ABCC12: variants seen among roughly 807,000 people sequenced by gnomAD.
ABCC12 encodes ATP binding cassette subfamily C member 12.
A neutral mutation model predicts 151.1 loss-of-function variants in ABCC12; 142 were observed. That is an observed-to-expected ratio of 0.94 (90% CI 0.82 to 1.08). The LOEUF is 1.08. ABCC12 is among the 50% of genes least tolerant of loss of function. The pLI, the probability that ABCC12 is intolerant of heterozygous loss-of-function variation, is 0.00. For missense variants in ABCC12, 1,638 were observed against 1,691.1 expected (o/e 0.97, Z 0.55); for synonymous variants, 645 against 646.4 (o/e 1.00, Z 0.03).
chr16:48,107,425 C>A lies in ABCC12; in HGVS notation c.2372G>T (p.Gly791Val), dbSNP rs915084695. ...TYHTYIKASGGYLLSLFTVFL... is the reference protein window; with the variant it reads ...TYHTYIKASGVYLLSLFTVFL... ...CACAGTGAAGAGAGAAAGGAGGTAC[C>A]CTGCAAGAGGAGCGGAGAGGCCCAA... Residue 791 changes from glycine (G) to valine (V), a missense_variant and splice_region_variant, in exon 20 of 31, where the codon GGG becomes GTG. Coordinates refer to ENST00000311303, the MANE Select transcript of ABCC12 (RefSeq NM_001393797.1). 1.2e-6 allele frequency: 2 copies of A among 1,614,024 alleles called. No individual in the cohort carries two copies. The highest frequency in any genetic ancestry group is 3.3e-5 in the Admixed American group (2 of 60,020).
At chr16:48,121,432 A>G in intron 13 of ABCC12, 1 of 327,208 alleles carries the variant, frequency 3.1e-6, no homozygotes, top group Non-Finnish European at 5.7e-6. Flanking sequence ...CAGACCACAT[A>G]TGCCCTGTTG....
At chr16:48,091,464 GA>G (rs1427522336) in intron 24 of ABCC12, among the ~76,000 whole-genome samples, 1 of 152,172 alleles carries the variant, frequency 6.6e-6, no homozygotes, top group Non-Finnish European at 1.5e-5. Flanking sequence ...CAGATGGTGA[GA>G]ATCATCTCCC....
At chr16:48,123,317 T>C (rs781560855) in intron 12 of ABCC12, among the ~76,000 whole-genome samples, 1 of 152,184 alleles carries the variant, frequency 6.6e-6, no homozygotes, top group Non-Finnish European at 1.5e-5. Flanking sequence ...TGACTCATCA[T>C]GGAGGCACAC....
chr16:48,085,344 G>A (rs184019510), intron 29 of ABCC12, among the ~76,000 whole-genome samples: 178 of 152,284 alleles, frequency 1.2e-3, no homozygotes, highest in Non-Finnish European at 2.0e-3. Context: ...ACTTAGGCAA[G>A]CAGAGTGAAA....
In ABCC12 at chr16:48,105,059, C is replaced by G. The variant is rs1963440498; in HGVS notation, c.2673+80G>C. On this transcript the variant is annotated intron_variant, in intron 21 of 30. Coordinates refer to ENST00000311303, the MANE Select transcript of ABCC12 (RefSeq NM_001393797.1). ...CTCTGGCTGTCCCCAGAGCCCAGCA[C>G]CATGCCTGGCACACTGCAGGTGCTC... The G allele has an allele frequency of 1.9e-6, 3 of 1,541,398 alleles. No homozygotes were observed. The South Asian group carries it at 3.4e-5, about 17-fold the overall frequency.
chr16:48,083,042 G>A lies in ABCC12; in HGVS notation c.*673C>T, dbSNP rs868252220. 6.6e-6 allele frequency: 1 copy of A among 152,210 alleles called. No homozygotes were observed. Among genetic ancestry groups the A allele is most frequent in the East Asian group, 1.9e-4 (1 of 5,192 alleles). The allele number at this position is 152,210 out of a possible 1,614,324, so 9.4% of individuals were successfully genotyped here. A position where few individuals can be genotyped will look rare whatever the true frequency, so the allele number is the denominator to read the frequency against. ...ATCTTCAGTGAAATAATTGCAAGGC[G>A]ACATTTCAGGGTAATTTCCTACCGC... On this transcript the variant is annotated 3_prime_UTR_variant, in exon 31 of 31. Coordinates refer to ENST00000311303, the MANE Select transcript of ABCC12 (RefSeq NM_001393797.1).
intron 3 of ABCC12, among the ~76,000 whole-genome samples, chr16:48,145,722 A>T (rs1315179051): frequency 6.6e-6 from 1 of 152,234 alleles, no homozygotes; most frequent in African/African-American, 2.4e-5. Flanking sequence ...CGCGGGGTCC[A>T]GTTGCCCCAT....
intron 22 of ABCC12, among the ~76,000 whole-genome samples, chr16:48,101,971 C>T (rs1469579437): frequency 6.6e-6 from 1 of 152,190 alleles, no homozygotes; most frequent in Non-Finnish European, 1.5e-5. Context: ...GAGACTCAGA[C>T]CATTTCATTT....
At chr16:48,131,620 C>T (rs553719711) in intron 9 of ABCC12, among the ~76,000 whole-genome samples, 2 of 152,220 alleles carry the variant, frequency 1.3e-5, no homozygotes, top group African/African-American at 4.8e-5. Flanking sequence ...GTTGGTGCCC[C>T]GGGGGTACAT....
At chr16:48,087,852 G>T in intron 27 of ABCC12, 74 bp downstream of exon 27, 1 of 1,510,394 alleles carries the variant, frequency 6.6e-7, no homozygotes, top group Non-Finnish European at 9.0e-7. Flanking sequence ...ATGCCCTGGG[G>T]ACATCACAAA....
chr16:48,138,481 G>T, intron 7 of ABCC12, 106 bp from the exon 8 acceptor site: 1 of 1,336,890 alleles, frequency 7.5e-7, no homozygotes, highest in South Asian at 1.4e-5. Flanking sequence ...TCTAAAGGAA[G>T]TTGGCTTCAG....
chr16:48,105,922 G>A (rs1420550642), intron 20 of ABCC12, among the ~76,000 whole-genome samples: 2 of 152,146 alleles, frequency 1.3e-5, no homozygotes, highest in Non-Finnish European at 2.9e-5. Context: ...TGGGGAGGAG[G>A]GTGCCCAGTG....
chr16:48,146,411 C>T lies in ABCC12; in HGVS notation c.14G>A (p.Gly5Glu). The change falls in exon 3 of 31, where the codon GGA becomes GAA. Residue 5 changes from glycine (G) to glutamate (E), a missense_variant. Transcript: ENST00000311303. Reference sequence around the variant, plus strand: ...GTCCAGATCTGAGATAAGGTAGGGTCCTTCACCCACCATCCTGATGGCAGC... The same window carrying T: ...GTCCAGATCTGAGATAAGGTAGGGTTCTTCACCCACCATCCTGATGGCAGC... The part of the protein sequence containing the change: MVGE[G>E]PYLISDLDQR... 6.2e-7 allele frequency: 1 copy of T among 1,614,168 alleles called. No homozygotes were observed. Among genetic ancestry groups the T allele is most frequent in the Non-Finnish European group, 8.5e-7 (1 of 1,180,002 alleles).
At chr16:48,145,496 C>A (rs79485870) in intron 3 of ABCC12, among the ~76,000 whole-genome samples, 4,044 of 152,316 alleles carry the variant, frequency 0.027, 80 homozygotes, top group Non-Finnish European at 0.042. Context: ...TGTGACCTGG[C>A]AGCTCATTCC....
chr16:48,135,941 C>G (rs1210679198), intron 8 of ABCC12, among the ~76,000 whole-genome samples: 1 of 152,204 alleles, frequency 6.6e-6, no homozygotes, highest in Non-Finnish European at 1.5e-5. Flanking sequence ...CACAGGACAG[C>G]TCCAGATGTT....
In ABCC12 at chr16:48,121,771, A is replaced by G. The variant is rs564252529; in HGVS notation, c.1657T>C (p.Phe553Leu). The change falls in exon 13 of 31, where the codon TTT (phenylalanine) becomes CTT (leucine). Residue 553 changes from phenylalanine (F) to leucine (L), a missense_variant. Phe to Leu is a conservative substitution (Grantham distance 22). Coordinates refer to ENST00000311303, the MANE Select transcript of ABCC12 (RefSeq NM_001393797.1). ...ATGTTTTCTCTCACATTTCCATGAA[A>G]GATCCATGCCTGCTGTGAAACGTAG... Reference protein sequence around the residue: ...LAYVSQQAWIFHGNVRENILF... With the variant: ...LAYVSQQAWILHGNVRENILF... 1.2e-6 allele frequency: 2 copies of G among 1,614,226 alleles called. No homozygotes were observed. Among genetic ancestry groups the G allele is most frequent in the South Asian group, 2.2e-5 (2 of 91,082 alleles).
intron 20 of ABCC12, among the ~76,000 whole-genome samples, chr16:48,106,141 T>C (rs1244142425): frequency 1.3e-5 from 2 of 152,214 alleles, no homozygotes; most frequent in South Asian, 2.1e-4. Context: ...TTTTGCTGAT[T>C]ACAGTCATAG....
In ABCC12 at chr16:48,104,353, T is replaced by C. The variant is rs150804137; in HGVS notation, c.2689A>G (p.Met897Val). The C allele has an allele frequency of 5.7e-5, 92 of 1,614,162 alleles. No homozygotes were observed. In the African/African-American group the frequency reaches 7.3e-4, roughly 13 times the overall value. ...GTGGGAGTCGTGTCAAAGAAACTCATTGGGCTCTTTAAGATCTGTGGAGAA... is the reference window on the plus strand; with the variant it reads ...GTGGGAGTCGTGTCAAAGAAACTCACTGGGCTCTTTAAGATCTGTGGAGAA... ...TVFDKILKSP[M>V]SFFDTTPTGR... The change falls in exon 22 of 31, where the codon ATG (methionine) becomes GTG (valine). Residue 897 changes from methionine to valine, a missense_variant. Met to Val is a conservative substitution (Grantham distance 21). Transcript: ENST00000311303.
rs376108701 is a variant in ABCC12, at chr16:48,130,895, C to A, written c.1129G>T (p.Ala377Ser). The A allele has an allele frequency of 8.4e-5, 134 of 1,604,112 alleles. 1 individual carries two copies. Among genetic ancestry groups the A allele is most frequent in the Non-Finnish European group, 1.1e-4 (132 of 1,171,886 alleles). Residue 377 changes from alanine to serine, a missense_variant and splice_region_variant, in exon 10 of 31, where the codon GCA becomes TCA. Physicochemically the swap from Ala to Ser is moderately conservative, Grantham distance 99 (BLOSUM62 1). Coordinates refer to ENST00000311303, the MANE Select transcript of ABCC12 (RefSeq NM_001393797.1). Reference sequence around the variant, plus strand: ...TTAAACATGGCAATCACACTAAATGCCTGAAGAACAAAAGAGAAGTATGAG... The same window carrying A: ...TTAAACATGGCAATCACACTAAATGACTGAAGAACAAAAGAGAAGTATGAG... ...LLRRKLTAPV[A>S]FSVIAMFNVM...
Sources: allele counts gnomAD v4.1 joint callset (sites outside exome capture counted in the v4.1 genomes callset), GRCh38; gene constraint gnomAD v4.1.1; transcripts MANE v1.5; gene names NCBI Gene and HGNC (gene_info 2026-07-23, HGNC 2026-07-21).